The following FAM228B variants were observed in gnomAD, a reference collection of about 807,000 sequenced individuals.
FAM228B encodes the protein family with sequence similarity 228 member B, also known as protein FAM228B.
In FAM228B, 38 loss-of-function variants were observed where a neutral mutation model predicts 42.6. That is an observed-to-expected ratio of 0.89 (90% CI 0.69 to 1.17). FAM228B has a LOEUF of 1.17. Among genes scored for constraint, FAM228B ranks in the 50% most tolerant of loss-of-function variants. The pLI, the probability that FAM228B is intolerant of heterozygous loss-of-function variation, is 0.00. For missense variants in FAM228B, 344 were observed against 367.3 expected (o/e 0.94, Z 0.52); for synonymous variants, 109 against 122.3 (o/e 0.89, Z 0.72).
chr2:24,110,579 A>G (rs1665774531), intron 3 of FAM228B, among the ~76,000 whole-genome samples: 1 of 152,188 alleles, frequency 6.6e-6, no homozygotes, highest in Non-Finnish European at 1.5e-5. Flanking sequence ...GGGCTGGCGA[A>G]CACCTCCATG....
chr2:24,118,348 A>G (rs1665986981), intron 3 of FAM228B, among the ~76,000 whole-genome samples: 1 of 152,238 alleles, frequency 6.6e-6, no homozygotes, highest in Admixed American at 6.5e-5. Flanking sequence ...ATAGGTATAT[A>G]GTTTCTGTGA....
At chr2:24,112,212 G>A (rs1239976023) in intron 3 of FAM228B, among the ~76,000 whole-genome samples, 1 of 151,704 alleles carries the variant, frequency 6.6e-6, no homozygotes, top group Non-Finnish European at 1.5e-5. Flanking sequence ...TATGCATTAA[G>A]GCTAGGTAAG....
chr2:24,111,341 G>A (rs1665791511), intron 3 of FAM228B, among the ~76,000 whole-genome samples: 1 of 152,124 alleles, frequency 6.6e-6, no homozygotes, highest in African/African-American at 2.4e-5. Flanking sequence ...TTATAGGCAT[G>A]AGCCACCGCA....
In FAM228B at chr2:24,139,469, T is replaced by C; in HGVS notation, c.441+19T>C. 1 of 1,471,184 alleles carries C rather than the reference T, an allele frequency of 6.8e-7. No individual in the cohort carries two copies. The highest frequency in any genetic ancestry group is 9.3e-7 in the Non-Finnish European group (1 of 1,075,566). 91.1% of individuals were successfully genotyped at this position (1,471,184 alleles called of 1,614,324 possible). A position where few individuals can be genotyped will look rare whatever the true frequency, so the allele number is the denominator to read the frequency against. On this transcript the variant is annotated intron_variant, in intron 5 of 10. Transcript: ENST00000615575. Reference sequence around the variant, plus strand: ...TCTGAAGGTAGGGTAGATTTCTTTTTTTTAACTTTGGTATTATGTGTTTGG... The same window carrying C: ...TCTGAAGGTAGGGTAGATTTCTTTTCTTTAACTTTGGTATTATGTGTTTGG...
chr2:24,084,281 A>G lies in FAM228B; in HGVS notation c.-210+3326A>G. On this transcript the variant is annotated intron_variant, in intron 2 of 10. Transcript: ENST00000613899. This position sits in a 1 kb window ranked among gnomAD's most constrained non-coding sequence, Gnocchi z 8.4. ...CTCGGCTTGGCCACCTCCTTCACGT[A>G]GAGGTTTTCCGGTCCTCCCGGCTTG... is the stretch of plus-strand genomic sequence containing the variant. The G allele has an allele frequency of 6.2e-7, 1 of 1,614,094 alleles. No individual in the cohort carries two copies. Among genetic ancestry groups the G allele is most frequent in the Non-Finnish European group, 8.5e-7 (1 of 1,179,990 alleles).
At chr2:24,129,874 A>T (rs1056548848) in intron 2 of FAM228B, among the ~76,000 whole-genome samples, 2 of 152,168 alleles carry the variant, frequency 1.3e-5, no homozygotes, top group African/African-American at 4.8e-5. Context: ...ACATAGGTAT[A>T]TATATGCCAT....
intron 2 of FAM228B, among the ~76,000 whole-genome samples, chr2:24,128,354 A>T (rs886652548): frequency 6.6e-6 from 1 of 152,048 alleles, no homozygotes; most frequent in Admixed American, 6.5e-5. Context: ...CTCCCAAAGC[A>T]CTGGGATTAC....
chr2:24,089,964 T>C (rs1665347887), intron 2 of FAM228B, among the ~76,000 whole-genome samples: 2 of 69,902 alleles, frequency 2.9e-5, no homozygotes, highest in African/African-American at 6.1e-5. Flanking sequence ...CAAAACTCCG[T>C]CTAAAAAAAA....
intron 2 of FAM228B, among the ~76,000 whole-genome samples, chr2:24,127,348 A>G (rs1666340353): frequency 6.6e-6 from 1 of 152,142 alleles, no homozygotes; most frequent in Non-Finnish European, 1.5e-5. Context: ...TCATCAGTGG[A>G]TGGACTTTTG....
Position 24,146,839 on chromosome 2 carries a change from C to G in FAM228B, c.529+4C>G. 1 of 1,542,030 alleles carries G rather than the reference C, an allele frequency of 6.5e-7. No homozygotes were observed. The highest frequency in any genetic ancestry group is 8.8e-7 in the Non-Finnish European group (1 of 1,138,586). ...ACTCTTCTTCAGTGTGAGACTGGTA[C>G]TTAGTTCCTAATTGTTATGTGATTT... On this transcript the variant is annotated splice_donor_region_variant and intron_variant, in intron 6 of 10. Transcript: ENST00000615575.
intron 10 of FAM228B, among the ~76,000 whole-genome samples, chr2:24,168,595 C>G (rs1667485642): frequency 1.3e-5 from 2 of 152,054 alleles, no homozygotes; most frequent in African/African-American, 2.4e-5. Context: ...GAAGTGGAGA[C>G]AGAATAAGCA....
At chr2:24,121,427 G>A, upstream of FAM228B, 16 of 857,494 alleles carry the variant, frequency 1.9e-5, no homozygotes, top group East Asian at 5.5e-5. Context: ...AAATGGTTGG[G>A]GAAAAAAAAT....
intron 5 of FAM228B, among the ~76,000 whole-genome samples, chr2:24,144,602 G>A (rs964704079): frequency 6.6e-6 from 1 of 152,180 alleles, no homozygotes; most frequent in Non-Finnish European, 1.5e-5. Context: ...GAGGCAGCCT[G>A]CTCGGCCCTG....
At chr2:24,160,743 G>A (rs189441362) in intron 7 of FAM228B, among the ~76,000 whole-genome samples, 20 of 152,106 alleles carry the variant, frequency 1.3e-4, no homozygotes, top group Admixed American at 3.3e-4. Context: ...TATGTTCTAC[G>A]CAGGGCCAAT....
chr2:24,169,438 C>G lies in FAM228B; in HGVS notation c.*97C>G. On this transcript the variant is annotated 3_prime_UTR_variant, in exon 11 of 11. Transcript: ENST00000615575. The surrounding 1 kb of genome is among the most constrained non-coding windows in gnomAD (Gnocchi z 4.2). ...ATCAGGCTGCTTCAGAGGAAGTCAT[C>G]TGCTCACAGGAATCAGGGTGAAGGC... 6.8e-6 allele frequency: 3 copies of G among 442,914 alleles called. No homozygotes were observed. The highest frequency in any genetic ancestry group is 1.5e-5 in the Non-Finnish European group (3 of 204,516). 27.4% of individuals were successfully genotyped at this position (442,914 alleles called of 1,614,324 possible).
chr2:24,084,600 G>T lies in FAM228B; in HGVS notation c.-210+3645G>T, dbSNP rs33958836. 0.056 allele frequency: 22,571 copies of T among 404,688 alleles called. 875 individuals carry two copies. Among genetic ancestry groups the T allele is most frequent in the Non-Finnish European group, 0.071 (16,056 of 227,000 alleles). The allele number at this position is 404,688 out of a possible 1,614,324, so 25.1% of individuals were successfully genotyped here. On this transcript the variant is annotated intron_variant, in intron 2 of 10. Transcript: ENST00000613899. This position sits in a 1 kb window ranked among gnomAD's most constrained non-coding sequence, Gnocchi z 8.4. ...GGAACACAGATGGGAACGGCGGGAA[G>T]TGGGATGGCGGTACAGGGCTGGATG... is the stretch of plus-strand genomic sequence containing the variant.
At chr2:24,104,263 C>T (rs1665663598) in intron 3 of FAM228B, among the ~76,000 whole-genome samples, 1 of 152,170 alleles carries the variant, frequency 6.6e-6, no homozygotes, top group Non-Finnish European at 1.5e-5. Context: ...TCCCACTGGG[C>T]CCCACACCCA....
upstream of FAM228B, chr2:24,122,730 T>C (rs1359664138): frequency 4.2e-6 from 2 of 476,618 alleles, no homozygotes; most frequent in African/African-American, 3.9e-5. Flanking sequence ...GAAAACAGAA[T>C]CATAGAAAAA....
intron 3 of FAM228B, among the ~76,000 whole-genome samples, chr2:24,108,314 CA>C (rs1665731570): frequency 6.6e-6 from 1 of 151,796 alleles, no homozygotes; most frequent in Non-Finnish European, 1.5e-5. Flanking sequence ...AACAAACAAA[CA>C]AAAAAGGTCC....
Sources: gnomAD v4.1 joint callset for allele counts (sites outside exome capture counted in the v4.1 genomes callset) on GRCh38, gnomAD v4.1.1 for gene constraint, Gnocchi (gnomAD v3.1) non-coding constraint, MANE v1.5 for transcripts, NCBI Gene and HGNC (gene_info 2026-07-23, HGNC 2026-07-21) for gene names.